FAM107A: variants seen among roughly 807,000 people sequenced by gnomAD.
FAM107A encodes the protein family with sequence similarity 107 member A.
In FAM107A, 19 loss-of-function variants were observed where a neutral mutation model predicts 13.7. The observed-to-expected ratio is 1.38, with a 90% CI of 0.97 to 2.03. The LOEUF is 2.03. Among genes scored for constraint, FAM107A ranks in the 30% most tolerant of loss-of-function variants. The probability of loss-of-function intolerance (pLI) is 0.00; values close to 1 mark genes in which losing one functional copy is unlikely to be tolerated. For synonymous variants in FAM107A, 82 were observed against 74.5 expected (o/e 1.10, Z -0.52); for missense variants, 203 against 184.4 (o/e 1.10, Z -0.58).
chr3:58,593,526 A>G (rs1233266448), intron 1 of FAM107A, among the ~76,000 whole-genome samples: 1 of 152,038 alleles, frequency 6.6e-6, no homozygotes, highest in African/African-American at 2.4e-5. Context: ...CTTGAAGCGG[A>G]TAGAAGATCT....
At chr3:58,571,779 T>C (rs964605786) in intron 1 of FAM107A, among the ~76,000 whole-genome samples, 7 of 152,240 alleles carry the variant, frequency 4.6e-5, no homozygotes, top group Non-Finnish European at 7.3e-5. Flanking sequence ...TCCCGTGACC[T>C]CAGCTCTCTT....
upstream of FAM107A, among the ~76,000 whole-genome samples, chr3:58,590,546 C>T (rs1052421359): frequency 3.3e-5 from 5 of 152,192 alleles, no homozygotes; most frequent in Non-Finnish European, 7.3e-5. Flanking sequence ...TTAATTGGCT[C>T]ACAGTTCCAA....
chr3:58,608,565 T>G (rs1250505412), intron 1 of FAM107A, among the ~76,000 whole-genome samples: 1 of 152,186 alleles, frequency 6.6e-6, no homozygotes, highest in Non-Finnish European at 1.5e-5. Flanking sequence ...ATTTTACAGA[T>G]AGAGAAGCTG....
At position 58,604,570 on chromosome 3, in the gene FAM107A, G is replaced by A. The variant is rs1157265698; in HGVS notation, c.-69-15301C>T. ...CGTGACAGCCTCACCCACTCCCTGG[G>A]CCCCATAAGATCAATCAGCGGGACC... On this transcript the variant is annotated intron_variant, in intron 1 of 3. Coordinates refer to the FAM107A transcript ENST00000465970. The surrounding 1 kb of genome is among the most constrained non-coding windows in gnomAD (Gnocchi z 4.1). 1.3e-5 allele frequency among the ~76,000 whole-genome samples: 2 copies of A among 152,150 alleles called. No homozygotes were observed. The highest frequency in any genetic ancestry group is 2.9e-5 in the Non-Finnish European group (2 of 68,026).
At chr3:58,593,249 G>A (rs1000329547) in intron 1 of FAM107A, among the ~76,000 whole-genome samples, 2 of 152,118 alleles carry the variant, frequency 1.3e-5, no homozygotes, top group African/African-American at 2.4e-5. Flanking sequence ...ACGCTTATGA[G>A]CCTAATACAT....
chr3:58,567,434 C>T (rs957858827), intron 2 of FAM107A, 70 bp from the exon 3 acceptor site: 40 of 1,484,836 alleles, frequency 2.7e-5, no homozygotes, highest in Non-Finnish European at 3.4e-5. Context: ...AGGGCTGCTT[C>T]CTGCGGTGAC....
exon 1 of FAM107A, chr3:58,586,935 A>G (rs949315719): frequency 2.6e-6 from 4 of 1,529,068 alleles, no homozygotes; most frequent in Non-Finnish European, 3.5e-6. Context: ...CCTCTGCGCC[A>G]TGCCCCCGCG....
chr3:58,571,607 T>G (rs1028024619), intron 1 of FAM107A, among the ~76,000 whole-genome samples: 5 of 152,130 alleles, frequency 3.3e-5, no homozygotes, highest in Admixed American at 1.3e-4. Context: ...CTCCTTAGTG[T>G]GGGTATTTTA....
intron 3 of FAM107A, 149 bp downstream of exon 3, chr3:58,567,057 CAG>C: frequency 1.0e-6 from 1 of 952,800 alleles, no homozygotes; most frequent in Non-Finnish European, 1.6e-6. Flanking sequence ...AAGTGAATGG[CAG>C]AGGGAGGACT....
intron 2 of FAM107A, among the ~76,000 whole-genome samples, chr3:58,568,413 C>T (rs1214601736): frequency 6.7e-6 from 1 of 148,588 alleles, no homozygotes; most frequent in Non-Finnish European, 1.5e-5. Flanking sequence ...CCAGCCTGGG[C>T]GACAGAGCGA....
intron 1 of FAM107A, among the ~76,000 whole-genome samples, chr3:58,603,038 T>C (rs2065765447): frequency 6.6e-6 from 1 of 152,236 alleles, no homozygotes; most frequent in African/African-American, 2.4e-5. Context: ...ATGTATTCAT[T>C]CATTTTCATA....
At chr3:58,625,599 A>T (rs74925487) in intron 1 of FAM107A, among the ~76,000 whole-genome samples, 1 of 152,310 alleles carries the variant, frequency 6.6e-6, no homozygotes, top group East Asian at 1.9e-4. Context: ...TTCTCCTTTC[A>T]TAAATATTCA....
intron 1 of FAM107A, among the ~76,000 whole-genome samples, chr3:58,586,062 C>T (rs2065602442): frequency 6.6e-6 from 1 of 152,232 alleles, no homozygotes; most frequent in Non-Finnish European, 1.5e-5. Flanking sequence ...AAGGCAGTTG[C>T]TCTCCTAGAT....
intron 1 of FAM107A, among the ~76,000 whole-genome samples, chr3:58,621,482 A>G (rs1002704563): frequency 3.9e-5 from 6 of 152,166 alleles, no homozygotes; most frequent in African/African-American, 1.4e-4. Flanking sequence ...GGACAAAGTG[A>G]CAAGCTCATT....
At chr3:58,607,272 C>T (rs1461355312) in intron 1 of FAM107A, 1 of 152,182 alleles carries the variant, frequency 6.6e-6, no homozygotes, top group Non-Finnish European at 1.5e-5. Flanking sequence ...CAGGATATGC[C>T]ACGATGTTTG....
chr3:58,613,100 G>T lies in FAM107A; in HGVS notation c.-70+14316C>A, dbSNP rs146159807. Among the ~76,000 whole-genome samples the T allele has an allele frequency of 4.7e-3, 710 of 152,260 alleles. 3 individuals carry two copies. Among genetic ancestry groups the T allele is most frequent in the Non-Finnish European group, 7.8e-3 (529 of 68,024 alleles). On this transcript the variant is annotated intron_variant, in intron 1 of 3. Coordinates refer to the FAM107A transcript ENST00000465970. The surrounding 1 kb of genome is among the most constrained non-coding windows in gnomAD (Gnocchi z 4.6). ...TCGGCAGCTCCATATCGCCAGCCGTGACTCTGCCCTGAAATCTAGCCCAAG... is the reference window on the plus strand; with the variant it reads ...TCGGCAGCTCCATATCGCCAGCCGTTACTCTGCCCTGAAATCTAGCCCAAG...
chr3:58,610,156 G>A (rs2065839128), intron 1 of FAM107A, among the ~76,000 whole-genome samples: 1 of 152,154 alleles, frequency 6.6e-6, no homozygotes, highest in Non-Finnish European at 1.5e-5. Flanking sequence ...ACCAGATACA[G>A]CACCATAGGC....
chr3:58,600,269 T>C (rs2065743049), intron 1 of FAM107A, among the ~76,000 whole-genome samples: 1 of 152,176 alleles, frequency 6.6e-6, no homozygotes, highest in Non-Finnish European at 1.5e-5. Context: ...AGGTACTGTT[T>C]ACCCCATTTT....
chr3:58,600,035 C>G (rs2065741161), intron 1 of FAM107A, among the ~76,000 whole-genome samples: 1 of 151,940 alleles, frequency 6.6e-6, no homozygotes, highest in African/African-American at 2.4e-5. Flanking sequence ...TACCCCCCAC[C>G]CCTGCAATTT....
Sources: gnomAD v4.1 joint callset for allele counts (sites outside exome capture counted in the v4.1 genomes callset) on GRCh38, gnomAD v4.1.1 for gene constraint, Gnocchi (gnomAD v3.1) non-coding constraint, MANE v1.5 for transcripts, NCBI Gene and HGNC (gene_info 2026-07-23, HGNC 2026-07-21) for gene names.